Variants in NEBL observed in about 807,000 individuals in gnomAD.
The protein encoded by NEBL is LIM and SH3 protein 2.
Under a neutral mutation model 140.2 loss-of-function variants are expected in NEBL, and 122 were observed. That is an observed-to-expected ratio of 0.87 (90% CI 0.75 to 1.01). The LOEUF is 1.01. NEBL is among the 50% of genes least tolerant of loss of function. The pLI, the probability that NEBL is intolerant of heterozygous loss-of-function variation, is 0.00. For synonymous variants in NEBL, 436 were observed against 398.9 expected (o/e 1.09, Z -1.11); for missense variants, 1,365 against 1,231.3 (o/e 1.11, Z -1.62).
intron 7 of NEBL, among the ~76,000 whole-genome samples, chr10:20,867,033 A>C (rs1844363175): frequency 6.6e-6 from 1 of 152,122 alleles, no homozygotes; most frequent in African/African-American, 2.4e-5. Flanking sequence ...AAAATATTAA[A>C]ATGTTCTCAT....
exon 3 of NEBL, chr10:21,247,979 C>T (rs1181313944): frequency 4.3e-6 from 1 of 230,444 alleles, no homozygotes; most frequent in Non-Finnish European, 9.9e-6. Context: ...ACCCAAGATT[C>T]AGAAGCAACT....
rs893566325 is a variant in NEBL, at chr10:20,781,259, G to A, written c.*4488C>T. The A allele has an allele frequency of 5.9e-5, 9 of 152,510 alleles. No homozygotes were observed. The highest frequency in any genetic ancestry group is 2.2e-4 in the African/African-American group (9 of 41,424). The allele number at this position is 152,510 out of a possible 1,614,324, so 9.4% of individuals were successfully genotyped here. ...AACATTCCGTGAAGCCCCTTCATTT[G>A]CAAAACATTCAATGTTTTCTTCAAA... On this transcript the variant is annotated 3_prime_UTR_variant, in exon 28 of 28. Coordinates refer to ENST00000377122, the MANE Select transcript of NEBL (RefSeq NM_006393.3).
rs539765926 is a variant in NEBL, at chr10:20,814,757, C to T, written c.2242-714G>A. On this transcript the variant is annotated intron_variant, in intron 22 of 27. Coordinates refer to ENST00000377122, the MANE Select transcript of NEBL (RefSeq NM_006393.3). ...CCATAAGAGTGTTAAAAAATGCATA[C>T]AAGCTACTCTATTTCTTTTTATTTT... 2.0e-5 allele frequency among the ~76,000 whole-genome samples: 3 copies of T among 152,066 alleles called. No individual in the cohort carries two copies. The South Asian group carries it at 6.2e-4, about 31-fold the overall frequency.
At chr10:20,980,062 AAAC>A (rs199526675) in intron 3 of NEBL, among the ~76,000 whole-genome samples, 4,719 of 150,974 alleles carry the variant, frequency 0.031, 77 homozygotes, top group Middle Eastern at 0.041. Flanking sequence ...AAAAAAAAAA[AAAC>A]AAACCATAAA....
At chr10:20,838,917 A>C (rs1283830412) in intron 13 of NEBL, among the ~76,000 whole-genome samples, 1 of 152,202 alleles carries the variant, frequency 6.6e-6, no homozygotes, top group Non-Finnish European at 1.5e-5. Context: ...TTCTTAGACT[A>C]CAGTATGGTA....
chr10:20,820,196 C>T (rs1415285148), intron 19 of NEBL, among the ~76,000 whole-genome samples: 1 of 152,138 alleles, frequency 6.6e-6, no homozygotes, highest in Non-Finnish European at 1.5e-5. Context: ...CTTCTCTATG[C>T]CGTTCTAACA....
At chr10:21,141,060 C>CA (rs35937796) in intron 2 of NEBL, among the ~76,000 whole-genome samples, 57,469 of 119,826 alleles carry the variant, frequency 0.48, 12,935 homozygotes, top group African/African-American at 0.62. Flanking sequence ...AGGTATTCGA[C>CA]AAAAAAAAAA....
chr10:20,828,852 G>A (rs949452859), intron 16 of NEBL, among the ~76,000 whole-genome samples: 1 of 151,916 alleles, frequency 6.6e-6, no homozygotes, highest in East Asian at 1.9e-4. Context: ...CTAGATTTAC[G>A]CTTTGCTTCC....
intron 4 of NEBL, among the ~76,000 whole-genome samples, chr10:20,911,660 T>C (rs141313893): frequency 6.6e-6 from 1 of 152,330 alleles, no homozygotes; most frequent in African/African-American, 2.4e-5. Flanking sequence ...GTGGATTTTA[T>C]ATGTACATAA....
chr10:21,015,792 C>T (rs1194622528), intron 3 of NEBL, among the ~76,000 whole-genome samples: 1 of 152,230 alleles, frequency 6.6e-6, no homozygotes, highest in Admixed American at 6.5e-5. Context: ...GGATTACAGG[C>T]ATAAGCCACA....
chr10:20,787,241 A>G lies in NEBL; in HGVS notation c.2829T>C (p.Ser943=). Residue 943 remains serine (S), a synonymous_variant, in exon 27 of 28, where the codon AGT becomes AGC. Transcript: ENST00000377122. The part of the protein sequence containing the change: ...SQGYGYMHQT[S]VSSMRSMQHS... ...GCTGCATTGATCTCATGGATGACAC[A>G]CTGGTCTGGTGCATGTAGCCATAGC... is the stretch of plus-strand genomic sequence containing the variant. 1.9e-6 allele frequency: 3 copies of G among 1,613,468 alleles called. No individual in the cohort carries two copies. The highest frequency in any genetic ancestry group is 2.2e-5 in the South Asian group (2 of 90,928).
At chr10:20,834,670 C>T (rs543539770) in intron 14 of NEBL, among the ~76,000 whole-genome samples, 26 of 152,302 alleles carry the variant, frequency 1.7e-4, no homozygotes, top group African/African-American at 6.3e-4. Context: ...CCCCACCTAA[C>T]CAACCTTGAG....
chr10:20,927,555 G>T (rs1006378636), intron 4 of NEBL, among the ~76,000 whole-genome samples: 1 of 152,166 alleles, frequency 6.6e-6, no homozygotes, highest in African/African-American at 2.4e-5. Context: ...GTCAGTAACA[G>T]TACATTAAAA....
At chr10:21,183,110 C>T (rs994397442) in intron 3 of NEBL, among the ~76,000 whole-genome samples, 5 of 152,066 alleles carry the variant, frequency 3.3e-5, no homozygotes, top group Non-Finnish European at 5.9e-5. Context: ...ACACTAGGGG[C>T]CCCCCAAGCA....
intron 4 of NEBL, among the ~76,000 whole-genome samples, chr10:20,905,988 GA>G (rs1416381819): frequency 6.6e-6 from 1 of 152,118 alleles, no homozygotes; most frequent in Non-Finnish European, 1.5e-5. Flanking sequence ...TATGTGCCTT[GA>G]ACATAATTTT....
rs76016750 is a variant in NEBL, at chr10:20,850,118, G to C, written c.1116+277C>G. ...CAAAAGGTAAAATTAACATTTGAAA[G>C]TGTCAGTTATATTATCATAGAAAAT... is the stretch of plus-strand genomic sequence containing the variant. On this transcript the variant is annotated intron_variant, in intron 11 of 27. Transcript: ENST00000377122. Among the ~76,000 whole-genome samples the C allele has an allele frequency of 2.3e-3, 349 of 152,286 alleles. 12 individuals are homozygous for C. In the East Asian group the frequency reaches 0.053, roughly 23 times the overall value.
chr10:21,255,805 G>A (rs1842651748), intron 1 of NEBL, among the ~76,000 whole-genome samples: 1 of 151,960 alleles, frequency 6.6e-6, no homozygotes, highest in Admixed American at 6.6e-5. Context: ...AGACCAGCCT[G>A]GCCAACATGG....
intron 2 of NEBL, among the ~76,000 whole-genome samples, chr10:21,066,540 T>C (rs1383766338): frequency 6.6e-6 from 1 of 152,180 alleles, no homozygotes; most frequent in Non-Finnish European, 1.5e-5. Context: ...TCTAAGATAT[T>C]TAACTAAAGG....
chr10:20,893,498 G>A (rs1271353988), intron 2 of NEBL, among the ~76,000 whole-genome samples: 1 of 152,188 alleles, frequency 6.6e-6, no homozygotes, highest in African/African-American at 2.4e-5. Context: ...GTGCAAAGCA[G>A]AAACTAGGTG....
Sources: gnomAD v4.1 joint callset for allele counts (sites outside exome capture counted in the v4.1 genomes callset) on GRCh38, gnomAD v4.1.1 for gene constraint, MANE v1.5 for transcripts, NCBI Gene and HGNC (gene_info 2026-07-23, HGNC 2026-07-21) for gene names.